The following ADISSP variants were observed in gnomAD, a reference collection of about 807,000 sequenced individuals.
ADISSP encodes adipose-secreted signaling protein.
chr20:3,754,243 AGGGATCAGCTGGAGGTAGGG>A, the ADISSP span: 1 of 1,479,538 alleles, frequency 6.8e-7, no homozygotes, highest in Non-Finnish European at 9.4e-7. Context: ...CCCTTCCCTC[AGGGATCAGCTGGAGGTAGGG>A]ACCTGCCAAG....
chr20:3,753,967 G>A, the ADISSP span: 3 of 974,382 alleles, frequency 3.1e-6, no homozygotes, highest in Non-Finnish European at 4.8e-6. Flanking sequence ...ACCCCAGAGA[G>A]GGGCGAGGAA....
At chr20:3,758,336 T>G in the ADISSP span, among the ~76,000 whole-genome samples, 1 of 152,222 alleles carries the variant, frequency 6.6e-6, no homozygotes. This position sits in a 1 kb window ranked among gnomAD's most constrained non-coding sequence, Gnocchi z 5.5. Context: ...GCTCTGCTCA[T>G]CTTGATCTGG....
chr20:3,758,699 C>T, the ADISSP span: 1 of 1,609,276 alleles, frequency 6.2e-7, no homozygotes, highest in Non-Finnish European at 8.5e-7. This position sits in a 1 kb window ranked among gnomAD's most constrained non-coding sequence, Gnocchi z 5.5. Flanking sequence ...TGGGAGAGGG[C>T]TCTGAGGGCT....
At chr20:3,754,599 C>T in the ADISSP span, 2 of 1,458,068 alleles carry the variant, frequency 1.4e-6, no homozygotes, top group Non-Finnish European at 1.9e-6. Context: ...GGCCCCTACC[C>T]ACCACCATGG....
At chr20:3,758,635 G>C in the ADISSP span, 1 of 1,613,950 alleles carries the variant, frequency 6.2e-7, no homozygotes, top group South Asian at 1.1e-5. The surrounding 1 kb of genome is among the most constrained non-coding windows in gnomAD (Gnocchi z 5.5). Flanking sequence ...CTTCTGCATC[G>C]TGGCCTGCCG....
chr20:3,762,367 G>A, the ADISSP span, among the ~76,000 whole-genome samples: 2 of 152,166 alleles, frequency 1.3e-5, no homozygotes, highest in Admixed American at 6.5e-5. Context: ...CTGATGGTAA[G>A]GTTGCTGCCT....
the ADISSP span, among the ~76,000 whole-genome samples, chr20:3,760,800 C>T: frequency 7.2e-5 from 11 of 152,174 alleles, no homozygotes; most frequent in Non-Finnish European, 1.5e-5. Flanking sequence ...TCAGGCCTGC[C>T]TCCGCCTCAG....
the ADISSP span, chr20:3,754,214 C>T: frequency 1.7e-4 from 257 of 1,545,614 alleles, no homozygotes; most frequent in Middle Eastern, 7.1e-4. Context: ...ACCCATGCGG[C>T]CCACTAAGGG....
At chr20:3,761,647 G>GT in the ADISSP span, among the ~76,000 whole-genome samples, 1 of 152,280 alleles carries the variant, frequency 6.6e-6, no homozygotes, top group East Asian at 1.9e-4. Flanking sequence ...AGGACCTGGT[G>GT]TTTAAGAGGA....
At chr20:3,754,055 G>GCCTCAGT in the ADISSP span, 61 of 1,609,320 alleles carry the variant, frequency 3.8e-5, no homozygotes, top group Non-Finnish European at 4.4e-5. Context: ...GGGGCCTCGG[G>GCCTCAGT]CCTCAGTCAA....
At chr20:3,756,111 A>G in the ADISSP span, among the ~76,000 whole-genome samples, 1 of 152,202 alleles carries the variant, frequency 6.6e-6, no homozygotes, top group East Asian at 1.9e-4. Context: ...ATAGGATGAC[A>G]CCAGGCCACA....
the ADISSP span, among the ~76,000 whole-genome samples, chr20:3,756,586 G>A: frequency 9.2e-5 from 14 of 152,210 alleles, no homozygotes; most frequent in African/African-American, 2.9e-4. Flanking sequence ...CATTCAATGG[G>A]ACCAGGTTGA....
At chr20:3,761,045 C>T in the ADISSP span, among the ~76,000 whole-genome samples, 3 of 152,212 alleles carry the variant, frequency 2.0e-5, no homozygotes, top group African/African-American at 7.2e-5. Context: ...GGTAGCAGTG[C>T]CCTCTTTACT....
the ADISSP span, among the ~76,000 whole-genome samples, chr20:3,754,703 C>T: frequency 1.3e-5 from 2 of 152,200 alleles, no homozygotes; most frequent in African/African-American, 4.8e-5. Flanking sequence ...GCACAGGTCT[C>T]AAAAACCCAT....
chr20:3,761,336 GTT>G, the ADISSP span, among the ~76,000 whole-genome samples: 1 of 141,634 alleles, frequency 7.1e-6, no homozygotes. Context: ...TATGGTTTTT[GTT>G]TTTTTTTTTT....
chr20:3,767,812 T>C, the ADISSP span: 6 of 152,026 alleles, frequency 3.9e-5, no homozygotes, highest in African/African-American at 1.2e-4. Context: ...CATTGGTTGA[T>C]CTGGGAGGGT....
the ADISSP span, chr20:3,760,315 G>A: frequency 1.8e-6 from 1 of 562,048 alleles, no homozygotes; most frequent in Non-Finnish European, 3.2e-6. Flanking sequence ...AGTGGTGCCT[G>A]TACTCTCTAG....
the ADISSP span, chr20:3,758,466 G>T: frequency 6.8e-7 from 1 of 1,466,648 alleles, no homozygotes; most frequent in South Asian, 1.2e-5. The surrounding 1 kb of genome is among the most constrained non-coding windows in gnomAD (Gnocchi z 5.5). Flanking sequence ...GAGGAACGGG[G>T]ATAGGCACCC....
chr20:3,763,107 TCAG>T, the ADISSP span, among the ~76,000 whole-genome samples: 2 of 150,978 alleles, frequency 1.3e-5, no homozygotes, highest in African/African-American at 4.9e-5. Context: ...AATACAAAAA[TCAG>T]CTAGGCATGG....
Sources: gnomAD v4.1 joint callset for allele counts (sites outside exome capture counted in the v4.1 genomes callset) on GRCh38, gnomAD v4.1.1 for gene constraint, Gnocchi (gnomAD v3.1) non-coding constraint, MANE v1.5 for transcripts, NCBI Gene and HGNC (gene_info 2026-07-23, HGNC 2026-07-21) for gene names.